The following DST variants were observed in gnomAD, a reference collection of about 807,000 sequenced individuals.
The protein encoded by DST is bullous pemphigoid antigen.
DST carries 253 observed loss-of-function variants against 875.2 expected under a neutral mutation model. The ratio of observed to expected loss-of-function variants is 0.29; its 90% CI spans 0.26 to 0.32. The LOEUF (loss-of-function observed/expected upper bound fraction) is 0.32, where lower values mean the gene tolerates loss of function less well. DST is among the 10% of genes least tolerant of loss of function. DST has a pLI of 1.00. For synonymous variants in DST, 3,124 were observed against 3,197.1 expected, an observed-to-expected ratio of 0.98 and a Z score of 0.77; for missense variants, 8,287 against 9,111.6, an observed-to-expected ratio of 0.91 and a Z score of 3.68.
At chr6:56,619,687 T>G (rs1464844205) in intron 36 of DST, 2 of 1,613,890 alleles carry the variant, frequency 1.2e-6, no homozygotes, top group East Asian at 4.5e-5. Flanking sequence ...CAGCTTTACC[T>G]GTGGTTTGAT....
Position 56,606,683 on chromosome 6 carries a change from C to G in DST, c.7945G>C (p.Asp2649His). ...ACATCAGCAGGAGAAGCCGTCTCATCATTTTCCTCTTGCAGTGTGTCGTAG... is the reference window on the plus strand; with the variant it reads ...ACATCAGCAGGAGAAGCCGTCTCATGATTTTCCTCTTGCAGTGTGTCGTAG... ...EDYDTLQEEN[D>H]ETASPADVFY... Residue 2649 changes from aspartate to histidine, a missense_variant, in exon 40 of 104, where the codon GAT (aspartate) becomes CAT (histidine). By Grantham distance (81) the Asp-to-His change is moderately conservative. Coordinates refer to ENST00000680361, the MANE Select transcript of DST (RefSeq NM_001374736.1). The G allele has an allele frequency of 6.2e-7, 1 of 1,613,646 alleles. No individual in the cohort carries two copies. The highest frequency in any genetic ancestry group is 2.2e-5 in the East Asian group (1 of 44,880).
intron 3 of DST, among the ~76,000 whole-genome samples, chr6:56,870,517 T>G (rs1012294223): frequency 1.3e-5 from 2 of 149,732 alleles, no homozygotes; most frequent in Non-Finnish European, 3.0e-5. Flanking sequence ...AATCCCAGCA[T>G]TTTGGGAGAC....
rs757261774 is a variant in DST at position 56,620,369 on chromosome 6, A to G, written c.4929+4161T>C. On this transcript the variant is annotated intron_variant, in intron 36 of 103. Coordinates refer to ENST00000680361, the MANE Select transcript of DST (RefSeq NM_001374736.1). Reference sequence around the variant, plus strand: ...GGCAGCTCTTTTAGCCTCGGCCTCTATGGTGAGCTGCCTCACCCGCTCCAG... The same window carrying G: ...GGCAGCTCTTTTAGCCTCGGCCTCTGTGGTGAGCTGCCTCACCCGCTCCAG... 155 of 1,614,006 alleles carry G rather than the reference A, an allele frequency of 9.6e-5. No homozygotes were observed. Among genetic ancestry groups the G allele is most frequent in the Admixed American group, 2.3e-4 (14 of 60,006 alleles).
chr6:56,622,397 C>G (rs1391577240), intron 36 of DST, among the ~76,000 whole-genome samples: 1 of 151,564 alleles, frequency 6.6e-6, no homozygotes, highest in East Asian at 1.9e-4. Flanking sequence ...GGTGAAACCC[C>G]GTCTCTACTA....
At chr6:56,869,712 T>C (rs1349180835) in intron 3 of DST, among the ~76,000 whole-genome samples, 1 of 152,194 alleles carries the variant, frequency 6.6e-6, no homozygotes, top group Non-Finnish European at 1.5e-5. Context: ...TTTATTTTTT[T>C]GAGACAGGGA....
intron 2 of DST, among the ~76,000 whole-genome samples, chr6:56,934,560 T>TTTTATTTATATATATATATATATA (rs869186436): frequency 9.4e-6 from 1 of 106,486 alleles, no homozygotes; most frequent in Non-Finnish European, 1.9e-5. Flanking sequence ...ATATATTATA[T>TTTTATTTATATATATATATATATA]TATATATATA....
At position 56,529,715 on chromosome 6, in the gene DST, G is replaced by A; in HGVS notation, c.17328C>T (p.Gly5776=). 1 of 1,612,652 alleles carries A rather than the reference G, an allele frequency of 6.2e-7. No individual in the cohort carries two copies. Among genetic ancestry groups the A allele is most frequent in the Non-Finnish European group, 8.5e-7 (1 of 1,179,420 alleles). The part of the protein sequence containing the change: ...NKHLHQAVSI[G]QSLKVLSSRE... ...TGGAGCTCAAAACCTTTAAGGACTG[G>A]CCAATGCTAACAGCCTGGTGTAAAT... The change falls in exon 66 of 104, where the codon GGC becomes GGT. Residue 5776 remains glycine, a synonymous_variant. Transcript: ENST00000680361.
chr6:56,475,180 T>A (rs2095116605), intron 92 of DST, among the ~76,000 whole-genome samples: 1 of 152,150 alleles, frequency 6.6e-6, no homozygotes, highest in Non-Finnish European at 1.5e-5. Flanking sequence ...ATTTACTAGG[T>A]ATCCCTCTAT....
At chr6:56,906,942 T>C (rs781178517) in intron 2 of DST, among the ~76,000 whole-genome samples, 1 of 152,218 alleles carries the variant, frequency 6.6e-6, no homozygotes, top group Non-Finnish European at 1.5e-5. Context: ...TTTATTTGCA[T>C]TTCCCAATGA....
intron 4 of DST, among the ~76,000 whole-genome samples, chr6:56,823,269 T>C (rs2099775304): frequency 6.6e-6 from 1 of 152,238 alleles, no homozygotes; most frequent in Non-Finnish European, 1.5e-5. Flanking sequence ...GTATTTTTGT[T>C]CCACATGTTC....
intron 3 of DST, chr6:56,851,941 G>A: frequency 6.6e-7 from 1 of 1,518,656 alleles, no homozygotes; most frequent in African/African-American, 1.4e-5. Flanking sequence ...CAGCCTTCCT[G>A]TTACAAACCT....
chr6:56,546,650 G>A (rs1403090738), intron 61 of DST, among the ~76,000 whole-genome samples: 1 of 151,776 alleles, frequency 6.6e-6, no homozygotes, highest in Admixed American at 6.6e-5. Flanking sequence ...ACTTAAAATC[G>A]TAGCATTTCC....
At chr6:56,570,305 T>C (rs890505421) in intron 53 of DST, among the ~76,000 whole-genome samples, 28 of 152,154 alleles carry the variant, frequency 1.8e-4, no homozygotes, top group African/African-American at 6.8e-4. Context: ...TCTATTATAT[T>C]TACATTGTAA....
chr6:56,821,616 C>T (rs1271146892), intron 4 of DST, among the ~76,000 whole-genome samples: 1 of 152,198 alleles, frequency 6.6e-6, no homozygotes, highest in Non-Finnish European at 1.5e-5. Context: ...CTAAATTATA[C>T]AATCTTGGCA....
At chr6:56,751,600 C>T (rs1313743804) in intron 4 of DST, among the ~76,000 whole-genome samples, 1 of 151,996 alleles carries the variant, frequency 6.6e-6, no homozygotes, top group Non-Finnish European at 1.5e-5. Context: ...TTCAGGCAGC[C>T]ATTTAAAATG....
chr6:56,877,518 T>C (rs564381044), intron 3 of DST, among the ~76,000 whole-genome samples: 2 of 152,332 alleles, frequency 1.3e-5, no homozygotes, highest in East Asian at 1.9e-4. Flanking sequence ...ATTGTGCCGC[T>C]GTACTCCAGC....
chr6:56,478,666 A>G (rs528122399), intron 90 of DST, among the ~76,000 whole-genome samples: 11 of 152,320 alleles, frequency 7.2e-5, no homozygotes, highest in Admixed American at 6.5e-4. Context: ...AATGTTAGAG[A>G]TCTGCAAACA....
intron 2 of DST, among the ~76,000 whole-genome samples, chr6:56,902,529 G>T (rs1301284815): frequency 6.6e-6 from 1 of 152,296 alleles, no homozygotes; most frequent in Admixed American, 6.5e-5. Context: ...AAAAAGGAGG[G>T]GGTTAACCCC....
chr6:56,756,104 A>G (rs1453933570), intron 4 of DST, among the ~76,000 whole-genome samples: 1 of 152,150 alleles, frequency 6.6e-6, no homozygotes, highest in Non-Finnish European at 1.5e-5. Flanking sequence ...TTTGGCCCTG[A>G]GAGGAGGAGG....
Sources: gnomAD v4.1 joint callset for allele counts (sites outside exome capture counted in the v4.1 genomes callset) on GRCh38, gnomAD v4.1.1 for gene constraint, MANE v1.5 for transcripts, NCBI Gene and HGNC (gene_info 2026-07-23, HGNC 2026-07-21) for gene names.